HDAC9: variants seen among roughly 807,000 people sequenced by gnomAD.
The protein encoded by HDAC9 is histone deacetylase 9, also known as MEF-2 interacting transcription repressor (MITR) protein.
HDAC9 carries 41 observed loss-of-function variants against 139.4 expected under a neutral mutation model. The ratio of observed to expected loss-of-function variants is 0.29; its 90% CI spans 0.23 to 0.38. HDAC9 has a LOEUF of 0.38. Ranked by LOEUF, HDAC9 falls within the 10% of genes least tolerant of loss-of-function variation. HDAC9 has a pLI of 1.00. For missense variants in HDAC9, 1,147 were observed against 1,297.0 expected, an observed-to-expected ratio of 0.88 and a Z score of 1.78; for synonymous variants, 517 against 476.2, an observed-to-expected ratio of 1.09 and a Z score of -1.12.
At chr7:18,792,005 T>C (rs1398039775) in intron 16 of HDAC9, among the ~76,000 whole-genome samples, 2 of 152,158 alleles carry the variant, frequency 1.3e-5, no homozygotes, top group Non-Finnish European at 1.5e-5. Flanking sequence ...CCCCACCAGT[T>C]TGATTCCAGA....
At chr7:18,745,632 C>T (rs779607386) in intron 13 of HDAC9, among the ~76,000 whole-genome samples, 3 of 149,556 alleles carry the variant, frequency 2.0e-5, no homozygotes, top group Non-Finnish European at 3.0e-5. Context: ...CTGCAAGCTC[C>T]GCCTCCCGGG....
At chr7:18,472,916 G>A (rs1000843365) in intron 1 of HDAC9, among the ~76,000 whole-genome samples, 1 of 152,174 alleles carries the variant, frequency 6.6e-6, no homozygotes, top group Non-Finnish European at 1.5e-5. Flanking sequence ...TGTACTGGGT[G>A]TTCACTTGTA....
intron 1 of HDAC9, among the ~76,000 whole-genome samples, chr7:18,116,200 A>G (rs193174377): frequency 1.3e-5 from 2 of 152,208 alleles, no homozygotes; most frequent in Non-Finnish European, 2.9e-5. Flanking sequence ...AATTTAGATT[A>G]GTTCATTTTT....
At chr7:18,588,742 A>T (rs1379307801) in intron 3 of HDAC9, among the ~76,000 whole-genome samples, 1 of 152,050 alleles carries the variant, frequency 6.6e-6, no homozygotes, top group African/African-American at 2.4e-5. Context: ...GTGTGAAAAA[A>T]ATATATTGCA....
intron 1 of HDAC9, among the ~76,000 whole-genome samples, chr7:18,444,045 A>G (rs973187286): frequency 3.9e-5 from 6 of 152,058 alleles, no homozygotes; most frequent in African/African-American, 1.4e-4. Context: ...ACTACTAACA[A>G]AGGTGATTTG....
chr7:18,215,431 A>G lies in HDAC9; in HGVS notation c.25+53082A>G, dbSNP rs79419103. ...TGTAAGGTCCTATAGTTGGTGTTCA[A>G]GAAAAGAACATGATACATGAAAAGT... On this transcript the variant is annotated intron_variant, in intron 2 of 12. Coordinates refer to the HDAC9 transcript ENST00000417496. Among the ~76,000 whole-genome samples, 374 of 152,316 alleles carry G rather than the reference A, an allele frequency of 2.5e-3. 1 individual carries two copies. The highest frequency in any genetic ancestry group is 0.01 in the Middle Eastern group (3 of 294).
intron 1 of HDAC9, among the ~76,000 whole-genome samples, chr7:18,480,269 T>G (rs566699112): frequency 6.3e-4 from 96 of 152,156 alleles, no homozygotes; most frequent in Admixed American, 2.7e-3. Flanking sequence ...AAACCGAGGA[T>G]AACATGCCCC....
intron 12 of HDAC9, among the ~76,000 whole-genome samples, chr7:18,708,684 G>A (rs78426934): frequency 0.01 from 1,569 of 152,250 alleles, 9 homozygotes; most frequent in Non-Finnish European, 0.017. Context: ...ATGGTGAAAG[G>A]TTTGGGCTGT....
At chr7:18,745,883 CTTTT>C (rs752292349) in intron 13 of HDAC9, among the ~76,000 whole-genome samples, 1,420 of 99,422 alleles carry the variant, frequency 0.014, 15 homozygotes, top group African/African-American at 0.057. Context: ...TCTTCTTCTT[CTTTT>C]TTTTTTTTTT....
chr7:18,479,763 CACTTT>C (rs1471955136), intron 1 of HDAC9, among the ~76,000 whole-genome samples: 3 of 151,934 alleles, frequency 2.0e-5, no homozygotes, highest in Admixed American at 6.5e-5. Context: ...CAATTCAGGA[CACTTT>C]ACTTAGTTTA....
chr7:18,862,833 T>G (rs1798215102), intron 21 of HDAC9, among the ~76,000 whole-genome samples: 1 of 152,180 alleles, frequency 6.6e-6, no homozygotes, highest in Admixed American at 6.5e-5. Flanking sequence ...AGAGAAAAGC[T>G]ATGTAGATTC....
chr7:18,908,980 A>G (rs368653042), intron 22 of HDAC9, among the ~76,000 whole-genome samples: 1 of 152,122 alleles, frequency 6.6e-6, no homozygotes, highest in Non-Finnish European at 1.5e-5. Flanking sequence ...AGGACCCTCC[A>G]TACTGGCTGT....
chr7:18,958,824 A>C (rs1011053421), intron 24 of HDAC9, among the ~76,000 whole-genome samples: 1 of 152,178 alleles, frequency 6.6e-6, no homozygotes, highest in Admixed American at 6.5e-5. Flanking sequence ...AAAATACATG[A>C]GAGTCCATTT....
intron 1 of HDAC9, among the ~76,000 whole-genome samples, chr7:18,404,895 G>A (rs1337920547): frequency 2.0e-5 from 3 of 152,184 alleles, no homozygotes; most frequent in Non-Finnish European, 2.9e-5. Context: ...CTACTTCAGG[G>A]TTGTGGGTGT....
chr7:18,133,621 G>A (rs914407523), intron 1 of HDAC9, among the ~76,000 whole-genome samples: 2 of 152,110 alleles, frequency 1.3e-5, no homozygotes, highest in South Asian at 2.1e-4. Context: ...AACTGTGTAC[G>A]TGAACACCTT....
intron 16 of HDAC9, among the ~76,000 whole-genome samples, chr7:18,771,450 C>G (rs564276236): frequency 6.6e-6 from 1 of 152,076 alleles, no homozygotes; most frequent in South Asian, 2.1e-4. Flanking sequence ...ACGCGAGAGG[C>G]AGATTTGGAT....
At chr7:18,863,976 T>C (rs578046888) in intron 21 of HDAC9, among the ~76,000 whole-genome samples, 1 of 152,212 alleles carries the variant, frequency 6.6e-6, no homozygotes, top group Non-Finnish European at 1.5e-5. Context: ...TCGATTCTTT[T>C]GGATAAACAT....
chr7:18,884,485 T>C (rs1046862369), intron 22 of HDAC9, among the ~76,000 whole-genome samples: 45 of 152,152 alleles, frequency 3.0e-4, no homozygotes, highest in Non-Finnish European at 4.7e-4. Context: ...GAAAACTAGA[T>C]ATCCAAATGC....
chr7:18,305,858 G>A (rs1314785260), intron 1 of HDAC9, among the ~76,000 whole-genome samples: 2 of 152,014 alleles, frequency 1.3e-5, no homozygotes, highest in Non-Finnish European at 2.9e-5. Flanking sequence ...CTTGGAATGG[G>A]TTGGTGAAGG....
Sources: allele counts gnomAD v4.1 joint callset (sites outside exome capture counted in the v4.1 genomes callset), GRCh38; gene constraint gnomAD v4.1.1; transcripts MANE v1.5; gene names NCBI Gene and HGNC (gene_info 2026-07-23, HGNC 2026-07-21).